Variants in SH3GL2 observed in about 807,000 individuals in gnomAD.
The protein encoded by SH3GL2 is SH3 domain containing GRB2 like 2, endophilin A1.
SH3GL2 carries 24 observed loss-of-function variants against 46.0 expected under a neutral mutation model. The ratio of observed to expected loss-of-function variants is 0.52; its 90% confidence interval spans 0.38 to 0.73. SH3GL2 has a LOEUF of 0.73. Among genes scored for constraint, SH3GL2 ranks in the 30% least tolerant of loss-of-function variants. The probability of loss-of-function intolerance (pLI) is 0.00; values close to 1 mark genes in which losing one functional copy is unlikely to be tolerated. For missense variants in SH3GL2, 413 were observed against 424.2 expected, an observed-to-expected ratio of 0.97 and a Z score of 0.23; for synonymous variants, 196 against 147.1, an observed-to-expected ratio of 1.33 and a Z score of -2.40.
chr9:17,650,564 G>GT (rs1445783062), intron 1 of SH3GL2, among the ~76,000 whole-genome samples: 1 of 151,894 alleles, frequency 6.6e-6, no homozygotes, highest in Non-Finnish European at 1.5e-5. Flanking sequence ...TAGAGACAGG[G>GT]TTTCACCATG....
chr9:17,748,037 G>T (rs995689239), intron 2 of SH3GL2, among the ~76,000 whole-genome samples: 1 of 152,124 alleles, frequency 6.6e-6, no homozygotes, highest in African/African-American at 2.4e-5. Context: ...TTTTAGTTAA[G>T]GCTTAAAAAT....
chr9:17,612,398 C>T (rs934592344), intron 1 of SH3GL2, among the ~76,000 whole-genome samples: 3 of 152,182 alleles, frequency 2.0e-5, no homozygotes, highest in Non-Finnish European at 2.9e-5. Flanking sequence ...TGGAAACTTG[C>T]TTGAACTGCT....
chr9:17,666,545 C>CGTGTGTGTGTGT (rs71331502), intron 1 of SH3GL2, among the ~76,000 whole-genome samples: 42 of 142,142 alleles, frequency 3.0e-4, no homozygotes, highest in African/African-American at 8.0e-4. Context: ...ACAAAGGTAA[C>CGTGTGTGTGTGT]GTGTGTGTGT....
chr9:17,627,199 A>C (rs1223808703), intron 1 of SH3GL2, among the ~76,000 whole-genome samples: 1 of 152,114 alleles, frequency 6.6e-6, no homozygotes, highest in Non-Finnish European at 1.5e-5. Flanking sequence ...TTTTATTAGC[A>C]CTCACCAATG....
intron 3 of SH3GL2, among the ~76,000 whole-genome samples, chr9:17,785,553 T>A (rs1180530844): frequency 6.6e-6 from 1 of 152,174 alleles, no homozygotes; most frequent in Non-Finnish European, 1.5e-5. Context: ...TGGGGTATAG[T>A]CCTAGGTTAA....
intron 1 of SH3GL2, among the ~76,000 whole-genome samples, chr9:17,711,570 T>G (rs1187735223): frequency 6.6e-6 from 1 of 151,868 alleles, no homozygotes; most frequent in African/African-American, 2.4e-5. Context: ...CATATAATAT[T>G]GTATTCCTTT....
At chr9:17,636,837 C>T (rs1819555014) in intron 1 of SH3GL2, among the ~76,000 whole-genome samples, 1 of 152,190 alleles carries the variant, frequency 6.6e-6, no homozygotes, top group African/African-American at 2.4e-5. Context: ...ATTGTTATAA[C>T]AATTGCCTGC....
chr9:17,711,132 T>C (rs1821610068), intron 1 of SH3GL2, among the ~76,000 whole-genome samples: 1 of 151,902 alleles, frequency 6.6e-6, no homozygotes, highest in Non-Finnish European at 1.5e-5. Context: ...CTAACTCATG[T>C]AAGGTGCTTC....
At chr9:17,691,175 A>G (rs1346209146) in intron 1 of SH3GL2, among the ~76,000 whole-genome samples, 1 of 152,132 alleles carries the variant, frequency 6.6e-6, no homozygotes, top group Non-Finnish European at 1.5e-5. Flanking sequence ...CTCACTTGCC[A>G]AGGGGTGACT....
intron 1 of SH3GL2, among the ~76,000 whole-genome samples, chr9:17,607,940 G>T (rs1170762140): frequency 6.6e-6 from 1 of 152,002 alleles, no homozygotes; most frequent in Non-Finnish European, 1.5e-5. Flanking sequence ...CCAAATACTT[G>T]TGCTTGGTGC....
intron 7 of SH3GL2, among the ~76,000 whole-genome samples, chr9:17,791,561 T>A (rs762049157): frequency 1.2e-4 from 18 of 152,242 alleles, no homozygotes; most frequent in Non-Finnish European, 2.5e-4. Flanking sequence ...ACTTGGATTA[T>A]ATTTTGGCTG....
chr9:17,784,594 G>T (rs1339309695), intron 3 of SH3GL2, among the ~76,000 whole-genome samples: 1 of 152,150 alleles, frequency 6.6e-6, no homozygotes, highest in Non-Finnish European at 1.5e-5. Context: ...TGTTGCCACT[G>T]TTTATCTTAC....
rs377678340 is a variant in SH3GL2 at position 17,594,896 on chromosome 9, A to T, written c.45+15609A>T. ...ATATTTAAAAGGGGGTCCTATGCAT[A>T]TATTTTTGATGTATTCATTTCTGCT... is the stretch of plus-strand genomic sequence containing the variant. On this transcript the variant is annotated intron_variant, in intron 1 of 8. Transcript: ENST00000380607. Among the ~76,000 whole-genome samples the T allele has an allele frequency of 2.6e-5, 4 of 152,298 alleles. No individual in the cohort carries two copies. In the East Asian group the frequency reaches 7.7e-4, roughly 29 times the overall value.
intron 1 of SH3GL2, among the ~76,000 whole-genome samples, chr9:17,719,116 T>C (rs541811791): frequency 1.3e-5 from 2 of 152,234 alleles, no homozygotes; most frequent in Admixed American, 6.5e-5. Context: ...CTGCATATAA[T>C]TGGAATAATA....
At chr9:17,605,918 C>G (rs528862748) in intron 1 of SH3GL2, among the ~76,000 whole-genome samples, 12 of 152,272 alleles carry the variant, frequency 7.9e-5, no homozygotes, top group African/African-American at 2.9e-4. Flanking sequence ...CAGGCAGTAA[C>G]TGAACTGATA....
intron 1 of SH3GL2, among the ~76,000 whole-genome samples, chr9:17,709,643 T>C (rs1821564063): frequency 8.0e-6 from 1 of 125,440 alleles, no homozygotes; most frequent in Non-Finnish European, 1.5e-5. Context: ...ATAAATATTA[T>C]ATATGTGTGT....
At chr9:17,755,671 T>A (rs1822966964) in intron 2 of SH3GL2, 14 of 414,266 alleles carry the variant, frequency 3.4e-5, no homozygotes, top group Non-Finnish European at 4.5e-5. Context: ...TGTCTATGTT[T>A]TTCTTAAACT....
chr9:17,701,108 G>A (rs1382283231), intron 1 of SH3GL2, among the ~76,000 whole-genome samples: 1 of 152,104 alleles, frequency 6.6e-6, no homozygotes, highest in Non-Finnish European at 1.5e-5. Context: ...GAAGAAGAGA[G>A]GGTAGAGAGT....
intron 4 of SH3GL2, among the ~76,000 whole-genome samples, chr9:17,786,970 C>T (rs183020975): frequency 2.3e-4 from 35 of 152,256 alleles, no homozygotes; most frequent in Non-Finnish European, 4.3e-4. Context: ...CACCCTGTCT[C>T]CCCCAAAACT....
Sources: gnomAD v4.1 joint callset for allele counts (sites outside exome capture counted in the v4.1 genomes callset) on GRCh38, gnomAD v4.1.1 for gene constraint, MANE v1.5 for transcripts, NCBI Gene and HGNC (gene_info 2026-07-23, HGNC 2026-07-21) for gene names.